Variants in PRKD1 observed in about 807,000 individuals in gnomAD.
PRKD1 encodes serine/threonine-protein kinase D1.
A neutral mutation model predicts 95.9 loss-of-function variants in PRKD1; 63 were observed. That is an observed-to-expected ratio of 0.66 (90% confidence interval 0.54 to 0.81). The LOEUF (loss-of-function observed/expected upper bound fraction) is 0.81. PRKD1 is among the 30% of genes least tolerant of loss of function. PRKD1 has a pLI of 0.00. For synonymous variants in PRKD1, 425 were observed against 423.1 expected, an observed-to-expected ratio of 1.00 and a Z score of -0.05; for missense variants, 1,048 against 1,165.3, an observed-to-expected ratio of 0.90 and a Z score of 1.47.
At chr14:29,626,221 G>C (rs962913630) in intron 12 of PRKD1, among the ~76,000 whole-genome samples, 1 of 152,052 alleles carries the variant, frequency 6.6e-6, no homozygotes, top group East Asian at 1.9e-4. Context: ...AACTTCTTCA[G>C]TACTGTGTGT....
chr14:29,650,958 G>C (rs1414498167), intron 4 of PRKD1, among the ~76,000 whole-genome samples: 2 of 152,122 alleles, frequency 1.3e-5, no homozygotes. Flanking sequence ...GCCTATTACA[G>C]CTAAACTTTT....
At chr14:29,926,587 C>T (rs1182318659) in intron 1 of PRKD1, among the ~76,000 whole-genome samples, 1 of 152,140 alleles carries the variant, frequency 6.6e-6, no homozygotes, top group Non-Finnish European at 1.5e-5. Flanking sequence ...TGTTCCTGGA[C>T]ATCACCCCCA....
At chr14:29,867,094 A>G (rs1460022389) in intron 1 of PRKD1, among the ~76,000 whole-genome samples, 1 of 152,180 alleles carries the variant, frequency 6.6e-6, no homozygotes, top group African/African-American at 2.4e-5. Context: ...TCAACTGCTC[A>G]TTCCCACTAT....
chr14:29,796,419 C>G (rs1889818143), intron 1 of PRKD1, among the ~76,000 whole-genome samples: 2 of 151,884 alleles, frequency 1.3e-5, no homozygotes, highest in South Asian at 4.2e-4. Flanking sequence ...TGATGTAGAC[C>G]TAAAAATTCC....
At chr14:29,848,816 T>G (rs367850983) in intron 1 of PRKD1, among the ~76,000 whole-genome samples, 3 of 146,280 alleles carry the variant, frequency 2.1e-5, no homozygotes, top group East Asian at 3.9e-4. Flanking sequence ...CTCAAAGAAC[T>G]GAAGGAAGAT....
intron 13 of PRKD1, among the ~76,000 whole-genome samples, chr14:29,615,208 G>A (rs1878771333): frequency 6.6e-6 from 1 of 152,002 alleles, no homozygotes; most frequent in Non-Finnish European, 1.5e-5. Context: ...TTAATAAAGG[G>A]TATCGAATGT....
chr14:29,906,776 G>C (rs1291056998), intron 1 of PRKD1, among the ~76,000 whole-genome samples: 2 of 152,186 alleles, frequency 1.3e-5, no homozygotes, highest in Non-Finnish European at 2.9e-5. Context: ...TCACTTCACA[G>C]GTGAGTGGGA....
intron 1 of PRKD1, among the ~76,000 whole-genome samples, chr14:29,903,111 G>A (rs1257951615): frequency 2.0e-5 from 3 of 152,222 alleles, no homozygotes; most frequent in Non-Finnish European, 2.9e-5. Context: ...TAAAAACATA[G>A]GAATGGCTCA....
chr14:29,627,028 T>C (rs569933464), intron 11 of PRKD1, among the ~76,000 whole-genome samples: 1 of 152,334 alleles, frequency 6.6e-6, no homozygotes, highest in South Asian at 2.1e-4. Flanking sequence ...GCACACTCTT[T>C]AATTAATGTA....
At chr14:29,847,490 C>T (rs1892126836) in intron 1 of PRKD1, among the ~76,000 whole-genome samples, 1 of 152,118 alleles carries the variant, frequency 6.6e-6, no homozygotes, top group Admixed American at 6.5e-5. Context: ...TCTTCTAATA[C>T]ACTGTGATCC....
At chr14:29,796,375 G>A (rs1290667615) in intron 1 of PRKD1, among the ~76,000 whole-genome samples, 1 of 151,826 alleles carries the variant, frequency 6.6e-6, no homozygotes, top group South Asian at 2.1e-4. Context: ...TTTTGTTTCT[G>A]GTGGAAGATG....
intron 1 of PRKD1, among the ~76,000 whole-genome samples, chr14:29,834,553 A>C (rs1345436863): frequency 6.6e-6 from 1 of 152,110 alleles, no homozygotes; most frequent in African/African-American, 2.4e-5. Flanking sequence ...TTAATAATTT[A>C]ATGGTTGGAT....
At chr14:29,803,542 A>G (rs528976878) in intron 1 of PRKD1, among the ~76,000 whole-genome samples, 1 of 152,280 alleles carries the variant, frequency 6.6e-6, no homozygotes, top group South Asian at 2.1e-4. Flanking sequence ...CAGTTTAAGT[A>G]GGAGGTAAAA....
At position 29,639,005 on chromosome 14, in the gene PRKD1, T is replaced by C. The variant is rs1045913548; in HGVS notation, c.697-101A>G. On this transcript the variant is annotated intron_variant, in intron 4 of 17. Coordinates refer to ENST00000331968, the MANE Select transcript of PRKD1 (RefSeq NM_002742.3). ...CCGGTTTACTCTTGTATTTAGTACT[T>C]TGATGTTTAATAATATGAAATCATA... 4 of 855,954 alleles carry C rather than the reference T, an allele frequency of 4.7e-6. No individual in the cohort carries two copies. The African/African-American group carries it at 6.9e-5, about 15-fold the overall frequency. 53.0% of individuals were successfully genotyped at this position (855,954 alleles called of 1,614,324 possible). A position where few individuals can be genotyped will look rare whatever the true frequency, so the allele number is the denominator to read the frequency against.
intron 1 of PRKD1, among the ~76,000 whole-genome samples, chr14:29,826,676 T>TATATATATACACATATATATATACAC (rs1566622281): frequency 2.8e-5 from 2 of 71,872 alleles, no homozygotes; most frequent in South Asian, 4.6e-4. Context: ...TATATGTGTA[T>TATATATATACACATATATATATACAC]ATATATATAC....
chr14:29,844,296 T>G (rs1891989547), intron 1 of PRKD1, among the ~76,000 whole-genome samples: 1 of 152,130 alleles, frequency 6.6e-6, no homozygotes, highest in Non-Finnish European at 1.5e-5. Context: ...TGACAGTGAG[T>G]TGCACGTGTT....
intron 1 of PRKD1, among the ~76,000 whole-genome samples, chr14:29,871,752 G>T (rs1322271094): frequency 6.6e-6 from 1 of 152,120 alleles, no homozygotes; most frequent in Non-Finnish European, 1.5e-5. Context: ...CTCTTACCCT[G>T]CTTCATATGA....
chr14:29,864,361 A>C (rs947054771), intron 1 of PRKD1, among the ~76,000 whole-genome samples: 14 of 152,102 alleles, frequency 9.2e-5, no homozygotes, highest in African/African-American at 3.1e-4. Context: ...CCTGCCAATT[A>C]ATCCAGTTCT....
intron 12 of PRKD1, among the ~76,000 whole-genome samples, 196 bp downstream of exon 12, chr14:29,626,288 C>G (rs1879615864): frequency 6.6e-6 from 1 of 152,052 alleles, no homozygotes; most frequent in African/African-American, 2.4e-5. Context: ...CCTTCTCTTT[C>G]AAAACACACA....
Sources: gnomAD v4.1 joint callset for allele counts (sites outside exome capture counted in the v4.1 genomes callset) on GRCh38, gnomAD v4.1.1 for gene constraint, MANE v1.5 for transcripts, NCBI Gene and HGNC (gene_info 2026-07-23, HGNC 2026-07-21) for gene names.